Variants in ASCC1 observed in about 807,000 individuals in gnomAD.
The protein encoded by ASCC1 is activating signal cointegrator 1 complex subunit 1, also known as ASC-1 complex subunit P50.
A neutral mutation model predicts 46.6 loss-of-function variants in ASCC1; 35 were observed. The observed-to-expected ratio is 0.75, with a 90% confidence interval of 0.57 to 0.99. ASCC1 has a LOEUF of 0.99. Ranked by LOEUF, ASCC1 falls within the 50% of genes least tolerant of loss-of-function variation. ASCC1 has a pLI of 0.00. For synonymous variants in ASCC1, 143 were observed against 146.6 expected, an observed-to-expected ratio of 0.98 and a Z score of 0.18; for missense variants, 376 against 428.7, an observed-to-expected ratio of 0.88 and a Z score of 1.09.
chr10:72,152,501 T>C (rs1288026699), intron 7 of ASCC1, among the ~76,000 whole-genome samples: 2 of 152,140 alleles, frequency 1.3e-5, no homozygotes, highest in Non-Finnish European at 2.9e-5. Flanking sequence ...AAAGACTAGA[T>C]TGTTACTATC....
At chr10:72,173,252 T>A (rs1851461694) in intron 5 of ASCC1, among the ~76,000 whole-genome samples, 1 of 152,102 alleles carries the variant, frequency 6.6e-6, no homozygotes, top group South Asian at 2.1e-4. Flanking sequence ...TTGCTCTTTC[T>A]TCCTTTTTCT....
At chr10:72,164,012 G>C (rs996870917) in intron 5 of ASCC1, among the ~76,000 whole-genome samples, 1 of 151,846 alleles carries the variant, frequency 6.6e-6, no homozygotes, top group Non-Finnish European at 1.5e-5. Flanking sequence ...ATCCAGGCTA[G>C]AGTGCAATGA....
intron 1 of ASCC1, chr10:72,215,763 G>A (rs1859123905): frequency 6.6e-6 from 1 of 152,308 alleles, no homozygotes; most frequent in Admixed American, 6.5e-5. Flanking sequence ...GAAGGAAAGA[G>A]AGGAATAACC....
At chr10:72,105,478 A>G (rs1842247472) in intron 9 of ASCC1, among the ~76,000 whole-genome samples, 1 of 152,266 alleles carries the variant, frequency 6.6e-6, no homozygotes, top group Non-Finnish European at 1.5e-5. Flanking sequence ...TCTGACGAAG[A>G]GGTCAAGAAA....
At chr10:72,177,065 T>C (rs1851946164) in intron 5 of ASCC1, among the ~76,000 whole-genome samples, 2 of 152,098 alleles carry the variant, frequency 1.3e-5, no homozygotes, top group South Asian at 4.1e-4. Context: ...GTAGAGTCCA[T>C]TGTTGGCACA....
chr10:72,198,794 C>T (rs897341637), intron 4 of ASCC1: 1 of 410,728 alleles, frequency 2.4e-6, no homozygotes, highest in Admixed American at 2.9e-5. Context: ...ATATACTTTA[C>T]TTCTCTACAA....
At chr10:72,140,195 T>G (rs1564634935) in intron 7 of ASCC1, among the ~76,000 whole-genome samples, 1 of 152,102 alleles carries the variant, frequency 6.6e-6, no homozygotes, top group Non-Finnish European at 1.5e-5. Context: ...ACAGTCTATT[T>G]AAGAAAAAGA....
chr10:72,122,008 AC>A (rs1326812920), intron 9 of ASCC1, among the ~76,000 whole-genome samples: 1 of 152,248 alleles, frequency 6.6e-6, no homozygotes, highest in Non-Finnish European at 1.5e-5. Flanking sequence ...GCCATAAAAT[AC>A]GCTGTAATAA....
chr10:72,177,814 T>G (rs1852041900), intron 5 of ASCC1, among the ~76,000 whole-genome samples: 1 of 152,130 alleles, frequency 6.6e-6, no homozygotes, highest in African/African-American at 2.4e-5. Context: ...GACGAAAGAA[T>G]GAAAAAATAA....
intron 5 of ASCC1, among the ~76,000 whole-genome samples, chr10:72,162,493 A>G (rs1233804392): frequency 6.6e-6 from 1 of 151,760 alleles, no homozygotes; most frequent in Non-Finnish European, 1.5e-5. Context: ...TTTTTAAGAG[A>G]CTGGGTCTTG....
At chr10:72,180,658 A>G (rs1054324444) in intron 5 of ASCC1, among the ~76,000 whole-genome samples, 3 of 151,812 alleles carry the variant, frequency 2.0e-5, no homozygotes, top group Non-Finnish European at 2.9e-5. Flanking sequence ...ATCAAAATTG[A>G]TAATTCCATC....
chr10:72,113,355 A>C (rs2132043970), intron 9 of ASCC1, among the ~76,000 whole-genome samples: 1 of 152,364 alleles, frequency 6.6e-6, no homozygotes, highest in Admixed American at 6.5e-5. Context: ...TAACCTGTGA[A>C]CATGAATTCA....
At chr10:72,106,220 A>G (rs531592441) in intron 9 of ASCC1, among the ~76,000 whole-genome samples, 2 of 151,896 alleles carry the variant, frequency 1.3e-5, no homozygotes, top group South Asian at 4.1e-4. Context: ...ATGAAAATTC[A>G]AAATATTCAA....
intron 9 of ASCC1, among the ~76,000 whole-genome samples, chr10:72,125,849 C>T (rs1284710397): frequency 6.6e-6 from 1 of 152,162 alleles, no homozygotes; most frequent in Non-Finnish European, 1.5e-5. Flanking sequence ...TATCTGTACC[C>T]CTCACGGACT....
rs1841108909 is a variant in ASCC1 at position 72,096,492 on chromosome 10, T to C, written c.*842A>G. On this transcript the variant is annotated 3_prime_UTR_variant, in exon 10 of 10. Coordinates refer to ENST00000672957, the MANE Select transcript of ASCC1 (RefSeq NM_001198800.3). ...CCAACAAATATTAAGAGGACAAACT[T>C]TGGTAGGAAAATGATAGACCAAGCA... 2 of 453,746 alleles carry C rather than the reference T, an allele frequency of 4.4e-6. No homozygotes were observed. The highest frequency in any genetic ancestry group is 1.4e-4 in the East Asian group (2 of 14,394). 28.1% of individuals were successfully genotyped at this position (453,746 alleles called of 1,614,324 possible). A position where few individuals can be genotyped will look rare whatever the true frequency, so the allele number is the denominator to read the frequency against.
At chr10:72,130,992 A>G (rs1845516865) in intron 8 of ASCC1, among the ~76,000 whole-genome samples, 1 of 152,258 alleles carries the variant, frequency 6.6e-6, no homozygotes, top group African/African-American at 2.4e-5. Flanking sequence ...GTTTTCCAAA[A>G]TTAAAATACA....
At chr10:72,104,327 G>C (rs1842117447) in intron 9 of ASCC1, among the ~76,000 whole-genome samples, 1 of 152,136 alleles carries the variant, frequency 6.6e-6, no homozygotes. Flanking sequence ...CCTGGACCTG[G>C]TTTAAGAATC....
chr10:72,096,526 G>A lies in ASCC1; in HGVS notation c.*808C>T, dbSNP rs1477699776. ...AAATGATAGACCAAGCAAAGTAAAAGGCAAACAACTTTAATGGTTATTTTG... is the reference window on the plus strand; with the variant it reads ...AAATGATAGACCAAGCAAAGTAAAAAGCAAACAACTTTAATGGTTATTTTG... On this transcript the variant is annotated 3_prime_UTR_variant, in exon 10 of 10. Coordinates refer to ENST00000672957, the MANE Select transcript of ASCC1 (RefSeq NM_001198800.3). The A allele has an allele frequency of 2.2e-6, 1 of 454,048 alleles. No homozygotes were observed. The highest frequency in any genetic ancestry group is 4.4e-6 in the Non-Finnish European group (1 of 226,790). The allele number at this position is 454,048 out of a possible 1,614,324, so 28.1% of individuals were successfully genotyped here.
intron 7 of ASCC1, among the ~76,000 whole-genome samples, chr10:72,140,000 A>G (rs1196797529): frequency 5.9e-5 from 9 of 152,232 alleles, no homozygotes; most frequent in Admixed American, 5.9e-4. Flanking sequence ...AGTGGAAGAG[A>G]TTATAGTGGG....
Sources: allele counts gnomAD v4.1 joint callset (sites outside exome capture counted in the v4.1 genomes callset), GRCh38; gene constraint gnomAD v4.1.1; transcripts MANE v1.5; gene names NCBI Gene and HGNC (gene_info 2026-07-23, HGNC 2026-07-21).